The following ATP8A2 variants were observed in gnomAD, a reference collection of about 807,000 sequenced individuals.
ATP8A2 encodes ATPase phospholipid transporting 8A2, also known as phospholipid-transporting ATPase IB.
In ATP8A2, 100 loss-of-function variants were observed where a neutral mutation model predicts 165.6. The observed-to-expected ratio is 0.60, with a 90% CI of 0.51 to 0.71. The LOEUF is 0.71. ATP8A2 is among the 30% of genes least tolerant of loss of function. ATP8A2 has a pLI of 0.00. For missense variants in ATP8A2, 1,227 were observed against 1,479.5 expected, an observed-to-expected ratio of 0.83 and a Z score of 2.80; for synonymous variants, 543 against 548.8, an observed-to-expected ratio of 0.99 and a Z score of 0.15.
chr13:25,893,390 T>G (rs1953439261), intron 33 of ATP8A2, among the ~76,000 whole-genome samples: 1 of 152,024 alleles, frequency 6.6e-6, no homozygotes, highest in Non-Finnish European at 1.5e-5. Flanking sequence ...TCATCATTTT[T>G]TATGGCTGCA....
intron 24 of ATP8A2, among the ~76,000 whole-genome samples, chr13:25,673,998 G>A (rs1277644281): frequency 2.0e-5 from 3 of 152,258 alleles, no homozygotes; most frequent in East Asian, 1.9e-4. Context: ...GAGGAAACTC[G>A]GCAGTGTGAT....
chr13:25,373,494 C>T (rs561755221), intron 1 of ATP8A2, among the ~76,000 whole-genome samples: 25 of 152,158 alleles, frequency 1.6e-4, no homozygotes, highest in African/African-American at 5.5e-4. Flanking sequence ...AGTGGGAGGG[C>T]GCAGTCATAC....
At chr13:25,874,781 C>T (rs1490435855) in intron 33 of ATP8A2, among the ~76,000 whole-genome samples, 2 of 152,028 alleles carry the variant, frequency 1.3e-5, no homozygotes, top group African/African-American at 2.4e-5. Flanking sequence ...TTTATAACAG[C>T]GTTATTCAAA....
At chr13:25,516,268 G>T (rs1173163857) in intron 2 of ATP8A2, among the ~76,000 whole-genome samples, 1 of 152,070 alleles carries the variant, frequency 6.6e-6, no homozygotes, top group African/African-American at 2.4e-5. Context: ...TGTCCTCCCC[G>T]AGAACCAGTG....
chr13:26,010,448 T>G (rs924878370), intron 35 of ATP8A2, among the ~76,000 whole-genome samples: 1 of 152,216 alleles, frequency 6.6e-6, no homozygotes, highest in Non-Finnish European at 1.5e-5. Context: ...TATGTCCCCA[T>G]GTGGGGCCTG....
chr13:25,752,126 A>G (rs903346803), intron 25 of ATP8A2, among the ~76,000 whole-genome samples: 2 of 152,036 alleles, frequency 1.3e-5, no homozygotes, highest in Non-Finnish European at 2.9e-5. Context: ...TTACATGTGC[A>G]TAACTTCTGA....
chr13:25,940,057 G>A (rs1955028571), intron 33 of ATP8A2, among the ~76,000 whole-genome samples: 2 of 152,122 alleles, frequency 1.3e-5, no homozygotes, highest in African/African-American at 2.4e-5. Flanking sequence ...CTCAGTCCTC[G>A]GGAGCGTGAA....
chr13:25,562,025 T>C (rs980551537), intron 15 of ATP8A2, among the ~76,000 whole-genome samples: 1 of 152,240 alleles, frequency 6.6e-6, no homozygotes, highest in Non-Finnish European at 1.5e-5. Context: ...CATCTGTTCA[T>C]GGGCATTTGT....
intron 25 of ATP8A2, among the ~76,000 whole-genome samples, chr13:25,747,005 C>T (rs1056790369): frequency 2.6e-5 from 4 of 152,166 alleles, no homozygotes; most frequent in Non-Finnish European, 4.4e-5. Flanking sequence ...TTCTGTCCTG[C>T]GAGCCTCTGC....
chr13:25,832,286 A>G (rs1445752213), intron 28 of ATP8A2, among the ~76,000 whole-genome samples: 1 of 152,170 alleles, frequency 6.6e-6, no homozygotes. Context: ...CGAAGGACCA[A>G]TGCTGCTAGG....
chr13:25,611,082 C>T (rs2040673165), intron 24 of ATP8A2, among the ~76,000 whole-genome samples: 1 of 152,002 alleles, frequency 6.6e-6, no homozygotes, highest in South Asian at 2.1e-4. Flanking sequence ...ATGATCATAT[C>T]ATCAGCAAAC....
At chr13:25,885,857 G>A (rs188082538) in intron 33 of ATP8A2, among the ~76,000 whole-genome samples, 1 of 152,220 alleles carries the variant, frequency 6.6e-6, no homozygotes, top group East Asian at 1.9e-4. Flanking sequence ...ATTCTCTCTT[G>A]CCCTGGGTAA....
intron 6 of ATP8A2, among the ~76,000 whole-genome samples, chr13:25,536,395 C>T (rs1185323655): frequency 2.0e-5 from 3 of 152,012 alleles, no homozygotes; most frequent in Admixed American, 6.5e-5. Flanking sequence ...GGATTATAGG[C>T]GTGAGCCACT....
At chr13:25,950,570 A>C (rs1174842808) in intron 33 of ATP8A2, 3 of 152,264 alleles carry the variant, frequency 2.0e-5, no homozygotes, top group African/African-American at 7.2e-5. Flanking sequence ...AACAATGAAC[A>C]AGAGTTTAAA....
intron 2 of ATP8A2, among the ~76,000 whole-genome samples, chr13:25,518,087 G>A (rs954741438): frequency 3.1e-4 from 47 of 152,232 alleles, no homozygotes; most frequent in African/African-American, 1.1e-3. Flanking sequence ...GTGGCAGAGG[G>A]CCACTGGGAA....
At chr13:25,673,191 C>T (rs947669867) in intron 24 of ATP8A2, among the ~76,000 whole-genome samples, 1 of 152,208 alleles carries the variant, frequency 6.6e-6, no homozygotes, top group African/African-American at 2.4e-5. Flanking sequence ...ATGCTTTCTC[C>T]TCCGCCTCTC....
intron 25 of ATP8A2, among the ~76,000 whole-genome samples, chr13:25,728,615 T>C (rs1216035349): frequency 1.3e-5 from 2 of 152,190 alleles, no homozygotes; most frequent in East Asian, 1.9e-4. Context: ...AGCATTGCAA[T>C]GTACTATTGT....
intron 11 of ATP8A2, 124 bp downstream of exon 11, chr13:25,551,627 G>A: frequency 2.4e-6 from 2 of 837,782 alleles, no homozygotes; most frequent in Non-Finnish European, 3.6e-6. Flanking sequence ...TGTACATAAT[G>A]CCAGCCTTTC....
At chr13:25,855,080 G>A (rs1474470082) in intron 30 of ATP8A2, among the ~76,000 whole-genome samples, 9 of 151,834 alleles carry the variant, frequency 5.9e-5, no homozygotes, top group East Asian at 3.9e-4. Flanking sequence ...GTGAAACCCC[G>A]TCTCTACTAA....
Sources: allele counts gnomAD v4.1 joint callset (sites outside exome capture counted in the v4.1 genomes callset), GRCh38; gene constraint gnomAD v4.1.1; transcripts MANE v1.5; gene names NCBI Gene and HGNC (gene_info 2026-07-23, HGNC 2026-07-21).